The following TCTN2 variants were observed in gnomAD, a reference collection of about 807,000 sequenced individuals.
TCTN2 encodes the protein tectonic family member 2, also known as tectonic-2.
TCTN2 carries 66 observed loss-of-function variants against 83.4 expected under a neutral mutation model. The observed-to-expected ratio is 0.79, with a 90% CI of 0.65 to 0.97. TCTN2 has a LOEUF of 0.97. Ranked by LOEUF, TCTN2 falls within the 50% of genes least tolerant of loss-of-function variation. The pLI, the probability that TCTN2 is intolerant of heterozygous loss-of-function variation, is 0.00. For missense variants in TCTN2, 794 were observed against 858.1 expected (o/e 0.93, Z 0.93); for synonymous variants, 301 against 326.7 (o/e 0.92, Z 0.85).
chr12:123,705,118 C>G (rs1368810516), intron 15 of TCTN2, among the ~76,000 whole-genome samples: 1 of 149,686 alleles, frequency 6.7e-6, no homozygotes, highest in Non-Finnish European at 1.5e-5. Flanking sequence ...GTTTCCTCCT[C>G]TGTAATATGG....
chr12:123,707,320 C>A, intron 17 of TCTN2: 1 of 610,590 alleles, frequency 1.6e-6, no homozygotes, highest in Non-Finnish European at 2.9e-6. Flanking sequence ...AATCTCAGCT[C>A]ACTGCAACCA....
rs755448015 is a variant in TCTN2, at chr12:123,696,545, A to G, written c.1393+50A>G. Reference sequence around the variant, plus strand: ...TAGCCCTTTGGCAAATTGGTGTTAGAAGTATTACCATATTTTGAATCTAAT... The same window carrying G: ...TAGCCCTTTGGCAAATTGGTGTTAGGAGTATTACCATATTTTGAATCTAAT... On this transcript the variant is annotated intron_variant, in intron 12 of 17. Coordinates refer to ENST00000303372, the MANE Select transcript of TCTN2 (RefSeq NM_024809.5). 3 of 1,472,686 alleles carry G rather than the reference A, an allele frequency of 2.0e-6. No homozygotes were observed. In the Middle Eastern group the frequency reaches 5.2e-4, roughly 254 times the overall value. The allele number at this position is 1,472,686 out of a possible 1,614,324, so 91.2% of individuals were successfully genotyped here.
At chr12:123,682,339 G>A (rs941285058) in intron 5 of TCTN2, among the ~76,000 whole-genome samples, 2 of 152,094 alleles carry the variant, frequency 1.3e-5, no homozygotes, top group Non-Finnish European at 2.9e-5. Flanking sequence ...ATGTGCTTAT[G>A]GGATATTTGT....
chr12:123,674,108 T>C (rs1955790961), intron 4 of TCTN2, among the ~76,000 whole-genome samples: 1 of 152,216 alleles, frequency 6.6e-6, no homozygotes, highest in South Asian at 2.1e-4. Context: ...TGAGTCTGTC[T>C]TGCTTTTCTA....
chr12:123,690,745 T>G, intron 8 of TCTN2, 71 bp downstream of exon 8: 1 of 1,563,456 alleles, frequency 6.4e-7, no homozygotes, highest in Non-Finnish European at 8.8e-7. Flanking sequence ...CATGAGAGTA[T>G]AAATCATTTC....
chr12:123,707,684 T>C lies in TCTN2; in HGVS notation c.2065T>C (p.Trp689Arg). The change falls in exon 18 of 18, where the codon TGG becomes CGG. Residue 689 changes from tryptophan (W) to arginine (R), a missense_variant. Transcript: ENST00000303372. ...LTLALFLSNP[W>R]TRICKAYS ...ATTGGCCTTGTTCCTCAGCAACCCC[T>C]GGACCAGAATATGCAAAGCCTATAG... 1 of 1,614,182 alleles carries C rather than the reference T, an allele frequency of 6.2e-7. No individual in the cohort carries two copies. The highest frequency in any genetic ancestry group is 8.5e-7 in the Non-Finnish European group (1 of 1,180,016).
intron 4 of TCTN2, among the ~76,000 whole-genome samples, chr12:123,678,010 A>C (rs1445376549): frequency 6.6e-6 from 1 of 152,052 alleles, no homozygotes; most frequent in Non-Finnish European, 1.5e-5. Context: ...AGCCTAAGCC[A>C]CGTGCCCTCC....
intron 15 of TCTN2, among the ~76,000 whole-genome samples, chr12:123,706,452 A>G (rs1332564874): frequency 2.0e-5 from 3 of 152,214 alleles, no homozygotes; most frequent in Non-Finnish European, 4.4e-5. Flanking sequence ...TATACAATGC[A>G]CTGGCTGGAG....
chr12:123,705,434 T>A (rs942812626), intron 15 of TCTN2, among the ~76,000 whole-genome samples: 5 of 152,142 alleles, frequency 3.3e-5, no homozygotes, highest in Admixed American at 6.5e-5. Flanking sequence ...GTGCTGGGAT[T>A]ACAGGCATGA....
Position 123,672,123 on chromosome 12 carries a change from C to G in TCTN2, c.258C>G (p.Ile86Met). The G allele has an allele frequency of 1.9e-6, 3 of 1,613,994 alleles. No individual in the cohort carries two copies. Among genetic ancestry groups the G allele is most frequent in the East Asian group, 4.5e-5 (2 of 44,892 alleles). The part of the protein sequence containing the change: ...NETEDWSVTV[I>M]PGAKVLEVTV... Reference sequence around the variant, plus strand: ...CGGAAGACTGGAGCGTGACTGTGATCCCCGGTGCGGTAAGGCCAGAAGTAA... The same window carrying G: ...CGGAAGACTGGAGCGTGACTGTGATGCCCGGTGCGGTAAGGCCAGAAGTAA... Residue 86 changes from isoleucine to methionine, a missense_variant, in exon 3 of 18, where the codon ATC becomes ATG. Physicochemically the swap from Ile to Met is conservative, Grantham distance 10 (BLOSUM62 1). Transcript: ENST00000303372.
chr12:123,690,566 C>A lies in TCTN2; in HGVS notation c.925C>A (p.Pro309Thr). The A allele has an allele frequency of 6.2e-7, 1 of 1,614,172 alleles. No individual in the cohort carries two copies. The highest frequency in any genetic ancestry group is 8.5e-7 in the Non-Finnish European group (1 of 1,180,034). ...SLAGQCMQNA[P>T]VAFLHNFDVK... Reference sequence around the variant, plus strand: ...GGCTGGGCAGTGTATGCAGAACGCCCCAGTGGCATTTCTTCACAATTTTGA... The same window carrying A: ...GGCTGGGCAGTGTATGCAGAACGCCACAGTGGCATTTCTTCACAATTTTGA... The change falls in exon 8 of 18, where the codon CCA becomes ACA. Residue 309 changes from proline (P) to threonine (T), a missense_variant. Transcript: ENST00000303372.
intron 8 of TCTN2, among the ~76,000 whole-genome samples, chr12:123,692,115 T>C (rs765223681): frequency 1.3e-5 from 2 of 152,132 alleles, no homozygotes; most frequent in Non-Finnish European, 2.9e-5. Context: ...TTCACCATGT[T>C]GGCCAGGCAG....
chr12:123,707,526 C>A, intron 17 of TCTN2, 78 bp from the exon 18 acceptor site: 1 of 1,385,172 alleles, frequency 7.2e-7, no homozygotes, highest in Non-Finnish European at 1.0e-6. Flanking sequence ...GAGTGAGCCA[C>A]CACACCCAGC....
At chr12:123,694,409 C>T (rs1450714641) in intron 9 of TCTN2, among the ~76,000 whole-genome samples, 2 of 152,226 alleles carry the variant, frequency 1.3e-5, no homozygotes, top group African/African-American at 4.8e-5. Flanking sequence ...GTGTCTCTTT[C>T]TGATGTGTTG....
At position 123,690,619 on chromosome 12, in the gene TCTN2, A is replaced by G. The variant is rs921429450; in HGVS notation, c.978A>G (p.Leu326=). 8 of 1,614,116 alleles carry G rather than the reference A, an allele frequency of 5.0e-6. No homozygotes were observed. In the Admixed American group the frequency reaches 6.7e-5, roughly 13 times the overall value. The change falls in exon 8 of 18, where the codon CTA becomes CTG. Residue 326 remains leucine, a synonymous_variant. Transcript: ENST00000303372. Reference sequence around the variant, plus strand: ...TTAAATGCGTTACTAATTTGGAACTATACCAAGAACGAGATGGTATTATCA... The same window carrying G: ...TTAAATGCGTTACTAATTTGGAACTGTACCAAGAACGAGATGGTATTATCA... The part of the protein sequence containing the change: ...FDVKCVTNLE[L]YQERDGIINA...
At chr12:123,700,306 A>G (rs981303601) in intron 14 of TCTN2, among the ~76,000 whole-genome samples, 3 of 152,114 alleles carry the variant, frequency 2.0e-5, no homozygotes, top group Non-Finnish European at 1.5e-5. Flanking sequence ...GGCATGAGCC[A>G]TTGCGCCTGG....
intron 9 of TCTN2, 146 bp downstream of exon 9, chr12:123,692,869 T>TGAAA: frequency 5.4e-6 from 4 of 737,088 alleles, no homozygotes; most frequent in Non-Finnish European, 9.5e-6. Flanking sequence ...AACATTTCAT[T>TGAAA]TGTTCCTCGT....
At chr12:123,697,938 G>A (rs939159963) in intron 13 of TCTN2, among the ~76,000 whole-genome samples, 2 of 149,860 alleles carry the variant, frequency 1.3e-5, no homozygotes, top group Non-Finnish European at 3.0e-5. Context: ...ATGGCTTACT[G>A]CAGCCCCAAC....
At position 123,706,803 on chromosome 12, in the gene TCTN2, C is replaced by A. The variant is rs1436566157; in HGVS notation, c.1847C>A (p.Ser616Tyr). 3 of 1,614,186 alleles carry A rather than the reference C, an allele frequency of 1.9e-6. No homozygotes were observed. The highest frequency in any genetic ancestry group is 8.5e-7 in the Non-Finnish European group (1 of 1,180,038). The change falls in exon 16 of 18, where the codon TCC becomes TAC. Residue 616 changes from serine to tyrosine, a missense_variant. By Grantham distance (144) the Ser-to-Tyr change is moderately radical. Coordinates refer to ENST00000303372, the MANE Select transcript of TCTN2 (RefSeq NM_024809.5). ...HKADLLPISA[S>Y]VQFIKIPAQL... ...GCCGACCTTCTCCCTATCAGTGCAT[C>A]CGTCCAGTTTATTAAAATTCCTGCA...
Sources: allele counts gnomAD v4.1 joint callset (sites outside exome capture counted in the v4.1 genomes callset), GRCh38; gene constraint gnomAD v4.1.1; transcripts MANE v1.5; gene names NCBI Gene and HGNC (gene_info 2026-07-23, HGNC 2026-07-21).